Variants in TRPC4AP observed in about 807,000 individuals in gnomAD.
TRPC4AP encodes short transient receptor potential channel 4-associated protein.
Under a neutral mutation model 99.0 loss-of-function variants are expected in TRPC4AP, and 45 were observed. The observed-to-expected ratio is 0.45, with a 90% CI of 0.36 to 0.58. The LOEUF (loss-of-function observed/expected upper bound fraction) is 0.58. Among genes scored for constraint, TRPC4AP ranks in the 20% least tolerant of loss-of-function variants. The probability of loss-of-function intolerance (pLI) is 0.00; values close to 1 mark genes in which losing one functional copy is unlikely to be tolerated. For missense variants in TRPC4AP, 879 were observed against 985.3 expected, an observed-to-expected ratio of 0.89 and a Z score of 1.44; for synonymous variants, 408 against 385.8, an observed-to-expected ratio of 1.06 and a Z score of -0.67.
chr20:35,043,627 A>G (rs1364034600), intron 7 of TRPC4AP, among the ~76,000 whole-genome samples: 1 of 152,206 alleles, frequency 6.6e-6, no homozygotes, highest in Non-Finnish European at 1.5e-5. Context: ...ATAGCACCAA[A>G]CCCTATATAT....
chr20:35,044,046 T>C (rs1051576470), intron 7 of TRPC4AP, among the ~76,000 whole-genome samples: 1 of 152,142 alleles, frequency 6.6e-6, no homozygotes, highest in African/African-American at 2.4e-5. Flanking sequence ...AATGAACAGA[T>C]ACACAAAATT....
At chr20:35,048,802 C>G (rs1080925) in intron 6 of TRPC4AP, among the ~76,000 whole-genome samples, 3 of 152,278 alleles carry the variant, frequency 2.0e-5, no homozygotes, top group Middle Eastern at 3.4e-3. Context: ...CTCTGGAGGT[C>G]CCCTTTCACA....
intron 8 of TRPC4AP, among the ~76,000 whole-genome samples, chr20:35,032,577 T>C (rs895501882): frequency 3.3e-5 from 5 of 150,154 alleles, no homozygotes; most frequent in African/African-American, 1.2e-4. Flanking sequence ...GTTCTCGCCA[T>C]TCTCCTGCCT....
At chr20:35,088,596 CAT>C (rs1328763063) in intron 1 of TRPC4AP, among the ~76,000 whole-genome samples, 2 of 152,220 alleles carry the variant, frequency 1.3e-5, no homozygotes, top group Non-Finnish European at 2.9e-5. Context: ...GCTTTTAAAA[CAT>C]ATTATTTCAC....
chr20:35,045,999 C>G (rs959702530), intron 6 of TRPC4AP, among the ~76,000 whole-genome samples: 8 of 152,120 alleles, frequency 5.3e-5, no homozygotes, highest in African/African-American at 1.9e-4. Flanking sequence ...TTTAGGTAAA[C>G]TACAGTTTTT....
At chr20:35,036,044 T>A (rs2083309091) in intron 7 of TRPC4AP, among the ~76,000 whole-genome samples, 1 of 151,084 alleles carries the variant, frequency 6.6e-6, no homozygotes, top group Non-Finnish European at 1.5e-5. Flanking sequence ...AACATTTTTT[T>A]AAGGTAAAGA....
chr20:35,092,566 C>T, intron 1 of TRPC4AP, 48 bp downstream of exon 1: 3 of 1,381,656 alleles, frequency 2.2e-6, no homozygotes, highest in South Asian at 3.0e-5. Context: ...CCCCCGCCAG[C>T]TCCCGCCTGG....
chr20:35,085,476 G>T (rs2084814335), intron 1 of TRPC4AP, among the ~76,000 whole-genome samples: 1 of 152,008 alleles, frequency 6.6e-6, no homozygotes, highest in Non-Finnish European at 1.5e-5. Flanking sequence ...AGCTGCGTAT[G>T]GTGGCATGCG....
At chr20:35,045,957 C>G (rs916382843) in intron 6 of TRPC4AP, among the ~76,000 whole-genome samples, 2 of 152,228 alleles carry the variant, frequency 1.3e-5, no homozygotes, top group African/African-American at 4.8e-5. Flanking sequence ...GTATGAGCCA[C>G]TGTGCCTGAC....
intron 3 of TRPC4AP, among the ~76,000 whole-genome samples, chr20:35,059,410 A>G (rs1022461244): frequency 1.3e-5 from 2 of 152,202 alleles, no homozygotes; most frequent in African/African-American, 4.8e-5. Context: ...CTGTAATCCC[A>G]AGACTCTGGG....
intron 8 of TRPC4AP, among the ~76,000 whole-genome samples, chr20:35,029,869 C>A (rs1391126051): frequency 1.4e-5 from 2 of 147,418 alleles, no homozygotes; most frequent in African/African-American, 4.9e-5. Context: ...ATCTCCTGAC[C>A]TCGTGATCCG....
At chr20:35,024,751 C>T (rs1469700663) in intron 8 of TRPC4AP, among the ~76,000 whole-genome samples, 1 of 141,186 alleles carries the variant, frequency 7.1e-6, no homozygotes, top group African/African-American at 2.7e-5. Context: ...ATGGCTGAGC[C>T]TGGGAGGTCA....
intron 7 of TRPC4AP, among the ~76,000 whole-genome samples, chr20:35,036,720 G>A (rs1247269396): frequency 6.6e-5 from 10 of 151,850 alleles, no homozygotes; most frequent in Admixed American, 6.6e-4. Context: ...GCCAAGGTGG[G>A]TGGATCACTT....
intron 9 of TRPC4AP, among the ~76,000 whole-genome samples, chr20:35,019,476 G>A (rs1235591464): frequency 6.6e-6 from 1 of 152,200 alleles, no homozygotes; most frequent in Non-Finnish European, 1.5e-5. Flanking sequence ...ATCCAGGCCT[G>A]TCCCCTGAGC....
Position 35,049,986 on chromosome 20 carries a change from T to G in TRPC4AP, c.537A>C (p.Gly179=). 1 of 1,613,450 alleles carries G rather than the reference T, an allele frequency of 6.2e-7. No individual in the cohort carries two copies. The highest frequency in any genetic ancestry group is 8.5e-7 in the Non-Finnish European group (1 of 1,179,776). Residue 179 remains glycine, a synonymous_variant, in exon 6 of 19, where the codon GGA becomes GGC. Transcript: ENST00000252015. ...TCTTTTCTGCCAAACGCTTTGTAAC[T>G]CCCTCTGTCTGTCACAAGAAGAAAA... is the stretch of plus-strand genomic sequence containing the variant. The part of the protein sequence containing the change: ...ILYNTCVCTE[G]VTKRLAEKND...
At position 35,086,535 on chromosome 20, in the gene TRPC4AP, G is replaced by GTATATATATGTGTATATATATA. The variant is rs1569158044; in HGVS notation, c.168+6078_168+6079insTATATATATACACATATATATA. On this transcript the variant is annotated intron_variant, in intron 1 of 18. Transcript: ENST00000252015. Reference sequence around the variant, plus strand: ...TGTGTGTGTGTATATATGTGTGTGTGTGTGTGTGTGTGTGTGTGTGTGTGT... The same window carrying GTATATATATGTGTATATATATA: ...TGTGTGTGTGTATATATGTGTGTGTGTATATATATGTGTATATATATATGTGTGTGTGTGTGTGTGTGTGTGT... 8.4e-4 allele frequency among the ~76,000 whole-genome samples: 15 copies of GTATATATATGTGTATATATATA among 17,754 alleles called. 1 individual carries two copies. Among genetic ancestry groups the GTATATATATGTGTATATATATA allele is most frequent in the Admixed American group, 3.4e-3 (5 of 1,476 alleles). 11.6% of individuals were successfully genotyped at this position (17,754 alleles called of 152,430 possible).
At position 35,086,573 on chromosome 20, in the gene TRPC4AP, G is replaced by GTATATA. The variant is rs1440590409; in HGVS notation, c.168+6040_168+6041insTATATA. On this transcript the variant is annotated intron_variant, in intron 1 of 18. Transcript: ENST00000252015. The stretch of plus-strand genomic sequence containing the variant: ...TGTGTGTGTGTGTGTGTGTGTGTGT[G>GTATATA]TGTATATATATATGAATAAGACTTT... 9.4e-4 allele frequency among the ~76,000 whole-genome samples: 39 copies of GTATATA among 41,562 alleles called. 2 individuals carry two copies. The highest frequency in any genetic ancestry group is 3.1e-3 in the East Asian group (4 of 1,284). 27.3% of individuals were successfully genotyped at this position (41,562 alleles called of 152,430 possible). A position where few individuals can be genotyped will look rare whatever the true frequency, so the allele number is the denominator to read the frequency against.
intron 6 of TRPC4AP, among the ~76,000 whole-genome samples, chr20:35,047,455 TTC>T (rs2083586141): frequency 6.6e-6 from 1 of 152,262 alleles, no homozygotes; most frequent in African/African-American, 2.4e-5. Context: ...GTTCATTCAT[TTC>T]TACTATATAA....
At chr20:35,072,117 G>C (rs745551469) in intron 2 of TRPC4AP, among the ~76,000 whole-genome samples, 1 of 152,152 alleles carries the variant, frequency 6.6e-6, no homozygotes, top group Non-Finnish European at 1.5e-5. Flanking sequence ...CCTTCGCCCA[G>C]TTTTTGATGG....
Sources: gnomAD v4.1 joint callset for allele counts (sites outside exome capture counted in the v4.1 genomes callset) on GRCh38, gnomAD v4.1.1 for gene constraint, MANE v1.5 for transcripts, NCBI Gene and HGNC (gene_info 2026-07-23, HGNC 2026-07-21) for gene names.